NAV2: variants seen among roughly 807,000 people sequenced by gnomAD.
NAV2 encodes helicase, APC down-regulated 1.
Under a neutral mutation model 223.2 loss-of-function variants are expected in NAV2, and 54 were observed. That is an observed-to-expected ratio of 0.24 (90% CI 0.19 to 0.30). The LOEUF is 0.30. Among genes scored for constraint, NAV2 ranks in the 10% least tolerant of loss-of-function variants. The pLI is 1.00. For synonymous variants in NAV2, 1,279 were observed against 1,239.3 expected, an observed-to-expected ratio of 1.03 and a Z score of -0.67; for missense variants, 2,806 against 3,147.5, an observed-to-expected ratio of 0.89 and a Z score of 2.60.
chr11:19,508,758 A>G (rs2043194033), intron 1 of NAV2, among the ~76,000 whole-genome samples: 1 of 152,224 alleles, frequency 6.6e-6, no homozygotes, highest in African/African-American at 2.4e-5. Context: ...TTTATTCACT[A>G]TTGAATCCCC....
At chr11:20,088,786 G>A (rs1264970787) in intron 26 of NAV2, among the ~76,000 whole-genome samples, 2 of 152,282 alleles carry the variant, frequency 1.3e-5, no homozygotes, top group Admixed American at 6.5e-5. Context: ...CCTTATCGTG[G>A]AGTGCTGGAC....
intron 1 of NAV2, among the ~76,000 whole-genome samples, chr11:19,541,033 AC>A (rs1293814570): frequency 1.3e-5 from 2 of 152,254 alleles, no homozygotes; most frequent in African/African-American, 4.8e-5. Context: ...ATGTTGCTTA[AC>A]TTGGTACTTC....
At chr11:19,956,379 C>CAT (rs879915948) in intron 10 of NAV2, among the ~76,000 whole-genome samples, 1,820 of 148,754 alleles carry the variant, frequency 0.012, 30 homozygotes, top group South Asian at 0.025. Context: ...CACACACACA[C>CAT]ACACACACAC....
intron 15 of NAV2, 81 bp from the exon 16 acceptor site, chr11:20,049,754 GA>G (rs1311100242): frequency 2.9e-6 from 4 of 1,376,888 alleles, no homozygotes; most frequent in East Asian, 2.3e-5. Flanking sequence ...CATGGGGAAT[GA>G]AAAAAATGTA....
chr11:19,436,763 A>AT (rs1055993650), intron 1 of NAV2, among the ~76,000 whole-genome samples: 9 of 146,508 alleles, frequency 6.1e-5, no homozygotes, highest in African/African-American at 1.5e-4. Flanking sequence ...GTCATCTTCA[A>AT]TTTTTTATCA....
intron 1 of NAV2, among the ~76,000 whole-genome samples, chr11:19,821,261 C>CAA (rs60029840): frequency 2.0e-5 from 2 of 99,592 alleles, no homozygotes; most frequent in South Asian, 3.8e-4. Flanking sequence ...GACTCTGTCT[C>CAA]AAAAAAAAAA....
Position 19,650,099 on chromosome 11 carries a change from G to C in NAV2, c.76-182385G>C, listed in dbSNP as rs182600288. 4.6e-5 allele frequency among the ~76,000 whole-genome samples: 7 copies of C among 152,298 alleles called. No homozygotes were observed. In the South Asian group the frequency reaches 1.2e-3, roughly 27 times the overall value. ...TCTTCCCCAAAAAAGATATATTGAA[G>C]TCCTAACCTCTGGCACCTGTGAATG... is the stretch of plus-strand genomic sequence containing the variant. On this transcript the variant is annotated intron_variant, in intron 1 of 37. Transcript: ENST00000360655.
chr11:19,423,463 G>T (rs1850699979), intron 1 of NAV2, among the ~76,000 whole-genome samples: 2 of 152,224 alleles, frequency 1.3e-5, no homozygotes, highest in Non-Finnish European at 2.9e-5. Flanking sequence ...GGGTTCAGAG[G>T]TAAGAGGCTT....
At chr11:19,620,415 T>C (rs1214589158) in intron 1 of NAV2, among the ~76,000 whole-genome samples, 1 of 152,224 alleles carries the variant, frequency 6.6e-6, no homozygotes, top group Non-Finnish European at 1.5e-5. Flanking sequence ...TTCCATTTGT[T>C]TGTGTCCTCT....
At chr11:19,960,738 C>T (rs867594326) in intron 10 of NAV2, among the ~76,000 whole-genome samples, 12 of 152,028 alleles carry the variant, frequency 7.9e-5, no homozygotes, top group African/African-American at 2.9e-4. Flanking sequence ...CTCAGCCTCC[C>T]GAGCAGCTGG....
At chr11:19,764,491 C>T (rs1394247840) in intron 1 of NAV2, among the ~76,000 whole-genome samples, 1 of 152,150 alleles carries the variant, frequency 6.6e-6, no homozygotes. Context: ...ATGTATTGTT[C>T]ATGCTAACAG....
intron 1 of NAV2, among the ~76,000 whole-genome samples, chr11:19,502,499 A>G (rs925338195): frequency 6.6e-6 from 1 of 152,222 alleles, no homozygotes; most frequent in African/African-American, 2.4e-5. Flanking sequence ...ATTAAGATGA[A>G]GCAGAAAAAT....
Position 19,561,824 on chromosome 11 carries a change from C to A in NAV2, c.75+210797C>A, listed in dbSNP as rs1274726403. Among the ~76,000 whole-genome samples the A allele has an allele frequency of 3.3e-5, 5 of 152,318 alleles. No homozygotes were observed. The South Asian group carries it at 6.2e-4, about 19-fold the overall frequency. On this transcript the variant is annotated intron_variant, in intron 1 of 37. Transcript: ENST00000360655. ...GACTTGGCCAAGGCTCCACAGCCTG[C>A]AAGTCTGGCTCAGTTACGGTTGCCA...
At chr11:19,476,860 G>T (rs989710926) in intron 1 of NAV2, among the ~76,000 whole-genome samples, 2 of 152,138 alleles carry the variant, frequency 1.3e-5, no homozygotes, top group Non-Finnish European at 2.9e-5. Context: ...CCGGTACTTA[G>T]CCCTGGGTCA....
upstream of NAV2, among the ~76,000 whole-genome samples, chr11:19,709,073 A>G (rs2049770631): frequency 6.6e-6 from 1 of 152,140 alleles, no homozygotes; most frequent in African/African-American, 2.4e-5. Context: ...GTGTGGAAGG[A>G]GTAAACTTAT....
At chr11:19,586,354 C>T (rs964974208) in intron 1 of NAV2, among the ~76,000 whole-genome samples, 8 of 152,032 alleles carry the variant, frequency 5.3e-5, no homozygotes, top group African/African-American at 9.7e-5. Context: ...GTAGTTTGAT[C>T]GTCTGAAGCC....
intron 32 of NAV2, 110 bp from the exon 33 acceptor site, chr11:20,103,145 A>G: frequency 9.7e-7 from 1 of 1,032,592 alleles, no homozygotes; most frequent in South Asian, 1.6e-5. Flanking sequence ...CAGAATCATG[A>G]AGGGCCTTTC....
rs554328959 is a variant in NAV2 at position 19,678,237 on chromosome 11, T to C, written c.76-154247T>C. On this transcript the variant is annotated intron_variant, in intron 1 of 37. Transcript: ENST00000360655. Reference sequence around the variant, plus strand: ...TGTGCCAGGTTCTGTTCTAAGCTCCTTTTTTGTAGGATTGAACCTTCACAA... The same window carrying C: ...TGTGCCAGGTTCTGTTCTAAGCTCCCTTTTTGTAGGATTGAACCTTCACAA... Among the ~76,000 whole-genome samples, 76 of 152,312 alleles carry C rather than the reference T, an allele frequency of 5.0e-4. 1 individual carries two copies. Among genetic ancestry groups the C allele is most frequent in the African/African-American group, 1.8e-3 (74 of 41,572 alleles).
At chr11:19,453,950 C>T (rs546645559) in intron 1 of NAV2, among the ~76,000 whole-genome samples, 1 of 152,240 alleles carries the variant, frequency 6.6e-6, no homozygotes, top group Admixed American at 6.5e-5. Flanking sequence ...TTATTAATTG[C>T]CCATCCATTT....
Sources: allele counts gnomAD v4.1 joint callset (sites outside exome capture counted in the v4.1 genomes callset), GRCh38; gene constraint gnomAD v4.1.1; transcripts MANE v1.5; gene names NCBI Gene and HGNC (gene_info 2026-07-23, HGNC 2026-07-21).